ZNF469: variants seen among roughly 807,000 people sequenced by gnomAD.
ZNF469 encodes zinc finger protein 469.
ZNF469 carries 1 observed loss-of-function variant against 1.0 expected under a neutral mutation model. The ratio of observed to expected loss-of-function variants is 1.00; its 90% CI spans 0.35 to 4.73. The LOEUF (loss-of-function observed/expected upper bound fraction) is 4.73, where lower values mean the gene tolerates loss of function less well. ZNF469 is among the 30% of genes most tolerant of loss of function. The pLI is 0.16. For missense variants in ZNF469, 6,100 were observed against 5,356.3 expected (o/e 1.14, Z -4.33); for synonymous variants, 2,703 against 2,363.4 (o/e 1.14, Z -4.17).
At chr16:88,231,066 C>T in the ZNF469 span, among the ~76,000 whole-genome samples, 1 of 152,182 alleles carries the variant, frequency 6.6e-6, no homozygotes, top group African/African-American at 2.4e-5. This position sits in a 1 kb window ranked among gnomAD's most constrained non-coding sequence, Gnocchi z 4.5. Context: ...CCCTCCCCTC[C>T]CCCAACACAC....
the ZNF469 span, among the ~76,000 whole-genome samples, chr16:88,138,082 G>A: frequency 6.6e-6 from 1 of 152,222 alleles, no homozygotes; most frequent in Admixed American, 6.5e-5. Context: ...GACATGGACA[G>A]CAGAACTGTG....
At chr16:88,349,056 T>C in the ZNF469 span, among the ~76,000 whole-genome samples, 2 of 152,146 alleles carry the variant, frequency 1.3e-5, no homozygotes, top group South Asian at 2.1e-4. Flanking sequence ...TTCCATCGCT[T>C]TACTCGGAAA....
At chr16:88,331,113 AC>A in the ZNF469 span, among the ~76,000 whole-genome samples, 1 of 151,452 alleles carries the variant, frequency 6.6e-6, no homozygotes, top group Non-Finnish European at 1.5e-5. Flanking sequence ...CACCATCGCC[AC>A]CACCATCACC....
the ZNF469 span, among the ~76,000 whole-genome samples, chr16:88,241,175 C>G: frequency 1.6e-4 from 24 of 152,138 alleles, no homozygotes; most frequent in Non-Finnish European, 2.8e-4. The surrounding 1 kb of genome is among the most constrained non-coding windows in gnomAD (Gnocchi z 4.8). Flanking sequence ...TGAGATCAGC[C>G]TGAGCAACAT....
At chr16:88,221,177 C>T in the ZNF469 span, among the ~76,000 whole-genome samples, 3 of 152,220 alleles carry the variant, frequency 2.0e-5, no homozygotes, top group Admixed American at 6.5e-5. Context: ...TAGAGCAGGC[C>T]TCACACCAGA....
the ZNF469 span, among the ~76,000 whole-genome samples, chr16:88,360,806 G>A: frequency 2.1e-5 from 3 of 145,794 alleles, no homozygotes; most frequent in Non-Finnish European, 3.0e-5. Context: ...CAGTGCCCGC[G>A]TGCTCTCTCA....
Position 88,432,182 on chromosome 16 carries a change from T to C in ZNF469, c.4712T>C (p.Leu1571Ser). The C allele has an allele frequency of 1.3e-6, 2 of 1,550,222 alleles. No homozygotes were observed. The highest frequency in any genetic ancestry group is 1.7e-6 in the Non-Finnish European group (2 of 1,146,958). ...ELEIQKLVTE[L>S]ESQLQRSKDT... ...GAGATCCAGAAATTGGTCACCGAATTAGAAAGTCAGCTGCAAAGGAGCAAA... is the reference window on the plus strand; with the variant it reads ...GAGATCCAGAAATTGGTCACCGAATCAGAAAGTCAGCTGCAAAGGAGCAAA... Residue 1571 changes from leucine to serine, a missense_variant, in exon 3 of 3, where the codon TTA becomes TCA. Leu to Ser is a moderately radical substitution (Grantham distance 145). Transcript: ENST00000565624.
chr16:88,159,921 G>T, the ZNF469 span, among the ~76,000 whole-genome samples: 2 of 152,302 alleles, frequency 1.3e-5, no homozygotes, highest in South Asian at 4.1e-4. Flanking sequence ...CAGAAGAGCT[G>T]CCTCCCCCGT....
At chr16:88,394,386 G>A (rs183798012) in intron 1 of ZNF469, among the ~76,000 whole-genome samples, 1 of 152,068 alleles carries the variant, frequency 6.6e-6, no homozygotes, top group African/African-American at 2.4e-5. Context: ...GAGGTGAAAT[G>A]AACTTTAATG....
the ZNF469 span, among the ~76,000 whole-genome samples, chr16:88,231,415 G>T: frequency 6.6e-6 from 1 of 152,252 alleles, no homozygotes; most frequent in Non-Finnish European, 1.5e-5. The surrounding 1 kb of genome is among the most constrained non-coding windows in gnomAD (Gnocchi z 4.5). Flanking sequence ...AATCCACAGA[G>T]GACAGGTGTG....
the ZNF469 span, among the ~76,000 whole-genome samples, chr16:88,188,471 C>G: frequency 3.3e-5 from 5 of 152,188 alleles, no homozygotes; most frequent in African/African-American, 1.2e-4. Flanking sequence ...TGACATCTTA[C>G]AGCATGCAGG....
chr16:88,249,318 C>G, the ZNF469 span, among the ~76,000 whole-genome samples: 1 of 151,972 alleles, frequency 6.6e-6, no homozygotes. Flanking sequence ...GTCTCGAACT[C>G]CTGGGCTCAA....
chr16:88,168,293 TG>T, the ZNF469 span, among the ~76,000 whole-genome samples: 1 of 152,212 alleles, frequency 6.6e-6, no homozygotes, highest in Admixed American at 6.5e-5. The surrounding 1 kb of genome is among the most constrained non-coding windows in gnomAD (Gnocchi z 4.3). Flanking sequence ...GATTTTAGGC[TG>T]AGCAGAGCCA....
intron 1 of ZNF469, among the ~76,000 whole-genome samples, chr16:88,399,497 C>T (rs1228607975): frequency 6.6e-6 from 1 of 152,122 alleles, no homozygotes; most frequent in Non-Finnish European, 1.5e-5. Flanking sequence ...GAGGGGGCTG[C>T]GTGAGAAGCC....
chr16:88,434,949 G>A lies in ZNF469; in HGVS notation c.7479G>A (p.Arg2493=), dbSNP rs1223208645. The A allele has an allele frequency of 1.3e-6, 2 of 1,549,974 alleles. No individual in the cohort carries two copies. The highest frequency in any genetic ancestry group is 1.7e-6 in the Non-Finnish European group (2 of 1,146,906). The change falls in exon 3 of 3, where the codon AGG becomes AGA. Residue 2493 remains arginine, a synonymous_variant. Transcript: ENST00000565624. ...CGGGCCTGAGCCGGCACAAGGCCAG[G>A]AAGCACCGGCCACACCCGGGAGCCC... The part of the protein sequence containing the change: ...SGPGLSRHKA[R]KHRPHPGAPA...
the ZNF469 span, among the ~76,000 whole-genome samples, chr16:88,106,180 A>C: frequency 1.2e-4 from 19 of 152,286 alleles, no homozygotes; most frequent in African/African-American, 4.3e-4. Flanking sequence ...GGGCGCCAGC[A>C]GGCCGTGCTC....
At chr16:88,247,985 G>A in the ZNF469 span, among the ~76,000 whole-genome samples, 1 of 152,162 alleles carries the variant, frequency 6.6e-6, no homozygotes, top group Admixed American at 6.5e-5. Flanking sequence ...CTGTGACGCG[G>A]CTGGACGGAA....
rs1439299395 is a variant in ZNF469 at position 88,383,136 on chromosome 16, C to T, written c.-310C>T. On this transcript the variant is annotated 5_prime_UTR_variant, in exon 1 of 3. Coordinates refer to ENST00000565624, the MANE Select transcript of ZNF469 (RefSeq NM_001367624.2). Reference sequence around the variant, plus strand: ...CTCGGTGCCCGGCGGGCGGGCGGCCCGGGCGGGCCTGCGGTCGGGATGAGG... The same window carrying T: ...CTCGGTGCCCGGCGGGCGGGCGGCCTGGGCGGGCCTGCGGTCGGGATGAGG... Among the ~76,000 whole-genome samples the T allele has an allele frequency of 2.7e-5, 4 of 147,946 alleles. No homozygotes were observed. The highest frequency in any genetic ancestry group is 9.9e-5 in the African/African-American group (4 of 40,520).
chr16:88,313,823 A>C, the ZNF469 span, among the ~76,000 whole-genome samples: 1 of 143,678 alleles, frequency 7.0e-6, no homozygotes, highest in African/African-American at 2.6e-5. Flanking sequence ...TAATTCAGGC[A>C]GTGCTGGTGT....
Sources: gnomAD v4.1 joint callset for allele counts (sites outside exome capture counted in the v4.1 genomes callset) on GRCh38, gnomAD v4.1.1 for gene constraint, Gnocchi (gnomAD v3.1) non-coding constraint, MANE v1.5 for transcripts, NCBI Gene and HGNC (gene_info 2026-07-23, HGNC 2026-07-21) for gene names.